The following TDRP variants were observed in gnomAD, a reference collection of about 807,000 sequenced individuals.
TDRP encodes the protein testis development-related protein.
Under a neutral mutation model 10.5 loss-of-function variants are expected in TDRP, and 12 were observed. The observed-to-expected ratio is 1.15, with a 90% CI of 0.73 to 1.86. The LOEUF (loss-of-function observed/expected upper bound fraction) is 1.86. TDRP is among the 40% of genes most tolerant of loss of function. TDRP has a pLI of 0.00. For missense variants in TDRP, 353 were observed against 229.2 expected (o/e 1.54, Z -3.49); for synonymous variants, 139 against 95.4 (o/e 1.46, Z -2.67).
At chr8:508,503 G>C (rs1801526986) in intron 1 of TDRP, among the ~76,000 whole-genome samples, 1 of 152,192 alleles carries the variant, frequency 6.6e-6, no homozygotes, top group African/African-American at 2.4e-5. Flanking sequence ...GAGCAAATGA[G>C]TGAAGGGGGA....
intron 1 of TDRP, among the ~76,000 whole-genome samples, chr8:526,383 TG>T (rs1261895547): frequency 6.6e-6 from 1 of 152,194 alleles, no homozygotes; most frequent in African/African-American, 2.4e-5. Context: ...TGTGGAGTTA[TG>T]TTCCTTCTAT....
chr8:513,046 G>C (rs1371507525), intron 1 of TDRP, among the ~76,000 whole-genome samples: 1 of 150,114 alleles, frequency 6.7e-6, no homozygotes, highest in Non-Finnish European at 1.5e-5. Context: ...CTCAGGCCCA[G>C]ATATGTTTGC....
In TDRP at chr8:544,775, C is replaced by G; in HGVS notation, c.-18G>C. 8.1e-7 allele frequency: 1 copy of G among 1,228,584 alleles called. No homozygotes were observed. Among genetic ancestry groups the G allele is most frequent in the Non-Finnish European group, 1.0e-6 (1 of 983,502 alleles). The allele number at this position is 1,228,584 out of a possible 1,614,324, so 76.1% of individuals were successfully genotyped here. A position where few individuals can be genotyped will look rare whatever the true frequency, so the allele number is the denominator to read the frequency against. Reference sequence around the variant, plus strand: ...TTCCACATGGTCAGGCGGGCTCCGGCGTCCCTCCGTCCGTGCGTCGGGCTG... The same window carrying G: ...TTCCACATGGTCAGGCGGGCTCCGGGGTCCCTCCGTCCGTGCGTCGGGCTG... On this transcript the variant is annotated 5_prime_UTR_variant, in exon 1 of 3. Transcript: ENST00000324079.
At chr8:495,430 A>G (rs1465904122) in intron 1 of TDRP, among the ~76,000 whole-genome samples, 3 of 151,464 alleles carry the variant, frequency 2.0e-5, no homozygotes, top group Non-Finnish European at 4.4e-5. Context: ...CTGAGAAGAA[A>G]TAATTTTGTT....
At chr8:493,161 G>C (rs1003143773) in intron 2 of TDRP, among the ~76,000 whole-genome samples, 1 of 152,174 alleles carries the variant, frequency 6.6e-6, no homozygotes, top group African/African-American at 2.4e-5. Flanking sequence ...GCAAGGTAAG[G>C]TCAAGCATTT....
intron 1 of TDRP, among the ~76,000 whole-genome samples, chr8:515,776 A>G (rs1278228224): frequency 2.0e-5 from 3 of 152,224 alleles, no homozygotes; most frequent in East Asian, 3.8e-4. Context: ...TTTTATCACT[A>G]TATAATTAAA....
chr8:531,267 T>C (rs1040812447), intron 1 of TDRP, among the ~76,000 whole-genome samples: 2 of 150,352 alleles, frequency 1.3e-5, no homozygotes, highest in African/African-American at 5.0e-5. Flanking sequence ...TTCTCATACA[T>C]CCTTTTGGAC....
At chr8:519,282 T>A in intron 1 of TDRP, among the ~76,000 whole-genome samples, 1 of 152,130 alleles carries the variant, frequency 6.6e-6, no homozygotes, top group Non-Finnish European at 1.5e-5. Flanking sequence ...CTATCTCTCT[T>A]CTGTTGAGCT....
At chr8:518,372 A>G (rs149028006) in intron 1 of TDRP, among the ~76,000 whole-genome samples, 303 of 152,352 alleles carry the variant, frequency 2.0e-3, no homozygotes, top group African/African-American at 7.0e-3. Flanking sequence ...ATGGGTACAC[A>G]TAAGTCTAAT....
chr8:520,573 G>A (rs1179406121), intron 1 of TDRP, among the ~76,000 whole-genome samples: 3 of 152,170 alleles, frequency 2.0e-5, no homozygotes, highest in Non-Finnish European at 2.9e-5. Flanking sequence ...CAGTGCACAG[G>A]TGTTCCAATC....
chr8:507,559 GCCTGCCACA>G (rs1801500462), intron 1 of TDRP, among the ~76,000 whole-genome samples: 1 of 152,144 alleles, frequency 6.6e-6, no homozygotes, highest in Admixed American at 6.5e-5. Context: ...GAGGAAGAAA[GCCTGCCACA>G]CCTCCATCAT....
At chr8:514,159 G>C (rs932212617) in intron 1 of TDRP, among the ~76,000 whole-genome samples, 1 of 152,166 alleles carries the variant, frequency 6.6e-6, no homozygotes, top group African/African-American at 2.4e-5. Flanking sequence ...GAAGATCAAA[G>C]TAAGAGAACT....
At chr8:515,743 G>C (rs905756431) in intron 1 of TDRP, among the ~76,000 whole-genome samples, 1 of 152,058 alleles carries the variant, frequency 6.6e-6, no homozygotes, top group Non-Finnish European at 1.5e-5. Flanking sequence ...AAAAGTTACA[G>C]TTACTGGAAA....
At chr8:516,145 A>C (rs1801752242) in intron 1 of TDRP, among the ~76,000 whole-genome samples, 1 of 152,226 alleles carries the variant, frequency 6.6e-6, no homozygotes, top group African/African-American at 2.4e-5. Flanking sequence ...CTGGTCCGGT[A>C]GAGCGGTTCC....
intron 1 of TDRP, among the ~76,000 whole-genome samples, chr8:505,785 G>T (rs1801444702): frequency 6.6e-6 from 1 of 152,202 alleles, no homozygotes; most frequent in African/African-American, 2.4e-5. Flanking sequence ...ACCCTCCGAT[G>T]AACATGAAAA....
At position 544,667 on chromosome 8, in the gene TDRP, CGGCG is replaced by C. The variant is rs1802587939; in HGVS notation, c.87_90del (p.Ala30ProfsTer18). The C allele has an allele frequency of 2.4e-6, 3 of 1,242,554 alleles. No individual in the cohort carries two copies. The highest frequency in any genetic ancestry group is 3.0e-6 in the Non-Finnish European group (3 of 993,940). The allele number at this position is 1,242,554 out of a possible 1,614,324, so 77.0% of individuals were successfully genotyped here. A position where few individuals can be genotyped will look rare whatever the true frequency, so the allele number is the denominator to read the frequency against. ...CCCCTCACCTGCGCCTGGGCGGCGG[CGGCG>C]GCGGCCGGTGGCGGCCCCCCACGCA... On this transcript the variant is annotated frameshift_variant, in exon 1 of 3. Transcript: ENST00000324079. LOFTEE classifies it high-confidence loss of function.
intron 1 of TDRP, among the ~76,000 whole-genome samples, chr8:510,157 C>A (rs550067407): frequency 8.5e-4 from 129 of 152,342 alleles, no homozygotes; most frequent in African/African-American, 3.0e-3. Context: ...AGAGTTGTGA[C>A]TGGGGTTTAA....
chr8:544,531 A>C, intron 1 of TDRP, 119 bp downstream of exon 1: 1 of 653,304 alleles, frequency 1.5e-6, no homozygotes, highest in African/African-American at 1.9e-5. Flanking sequence ...CCCCAACCTC[A>C]CCTGCCCGCC....
intron 1 of TDRP, among the ~76,000 whole-genome samples, chr8:534,455 A>G (rs867965906): frequency 6.6e-6 from 1 of 152,086 alleles, no homozygotes; most frequent in Non-Finnish European, 1.5e-5. Context: ...TTCACACCGA[A>G]CTCTCAGCCA....
Sources: gnomAD v4.1 joint callset for allele counts (sites outside exome capture counted in the v4.1 genomes callset) on GRCh38, gnomAD v4.1.1 for gene constraint, MANE v1.5 for transcripts, NCBI Gene and HGNC (gene_info 2026-07-23, HGNC 2026-07-21) for gene names.